The following KLF12 variants were observed in gnomAD, a reference collection of about 807,000 sequenced individuals.
KLF12 encodes the protein KLF transcription factor 12, also known as Krueppel-like factor 12.
Under a neutral mutation model 37.8 loss-of-function variants are expected in KLF12, and 9 were observed. The ratio of observed to expected loss-of-function variants is 0.24; its 90% confidence interval spans 0.14 to 0.42. The LOEUF is 0.42. Ranked by LOEUF, KLF12 falls within the 10% of genes least tolerant of loss-of-function variation. KLF12 has a pLI of 1.00. For missense variants in KLF12, 411 were observed against 516.0 expected, an observed-to-expected ratio of 0.80 and a Z score of 1.97; for synonymous variants, 208 against 202.1, an observed-to-expected ratio of 1.03 and a Z score of -0.25.
At chr13:74,255,784 C>T in the KLF12 span, among the ~76,000 whole-genome samples, 1 of 152,126 alleles carries the variant, frequency 6.6e-6, no homozygotes, top group Non-Finnish European at 1.5e-5. Context: ...CCATAAAATT[C>T]AAATAAAATG....
At chr13:74,278,762 G>A in the KLF12 span, among the ~76,000 whole-genome samples, 1 of 152,124 alleles carries the variant, frequency 6.6e-6, no homozygotes, top group African/African-American at 2.4e-5. Context: ...TCTGCCATGG[G>A]ATATTTTTCA....
the KLF12 span, among the ~76,000 whole-genome samples, chr13:74,165,518 T>C: frequency 6.6e-6 from 1 of 151,944 alleles, no homozygotes; most frequent in Admixed American, 6.6e-5. Context: ...AGGCTGGTCT[T>C]AAACTCCCAC....
At chr13:73,912,267 C>A (rs998050141) in intron 3 of KLF12, among the ~76,000 whole-genome samples, 1 of 152,090 alleles carries the variant, frequency 6.6e-6, no homozygotes, top group Non-Finnish European at 1.5e-5. Context: ...TTAAGCAACT[C>A]CCAGGGAAAA....
At chr13:73,887,874 G>A (rs1887307384) in intron 3 of KLF12, among the ~76,000 whole-genome samples, 1 of 152,106 alleles carries the variant, frequency 6.6e-6, no homozygotes. Flanking sequence ...AGGAAAACCA[G>A]TATAAAGGAT....
intron 7 of KLF12, among the ~76,000 whole-genome samples, chr13:73,706,803 C>T (rs1006534954): frequency 6.6e-6 from 1 of 152,198 alleles, no homozygotes; most frequent in Non-Finnish European, 1.5e-5. Flanking sequence ...TTTAGGACTC[C>T]TTGCTGTCTT....
chr13:74,015,044 C>T (rs1892652097), intron 1 of KLF12, among the ~76,000 whole-genome samples: 1 of 151,922 alleles, frequency 6.6e-6, no homozygotes, highest in Non-Finnish European at 1.5e-5. Context: ...GATAGAGGCA[C>T]ATTTATATAT....
intron 6 of KLF12, among the ~76,000 whole-genome samples, chr13:73,751,269 C>T (rs1401602549): frequency 6.6e-6 from 1 of 151,886 alleles, no homozygotes; most frequent in Non-Finnish European, 1.5e-5. Context: ...TTAATGAGAC[C>T]CCTGGATCAA....
intron 3 of KLF12, among the ~76,000 whole-genome samples, chr13:73,928,662 T>A (rs1340107075): frequency 6.6e-6 from 1 of 152,234 alleles, no homozygotes; most frequent in African/African-American, 2.4e-5. Flanking sequence ...AGAATAATTC[T>A]TCAAGACCTG....
intron 4 of KLF12, chr13:73,845,130 T>G (rs1015824763): frequency 3.9e-5 from 6 of 152,212 alleles, no homozygotes; most frequent in Non-Finnish European, 8.8e-5. Context: ...CACATAGTCA[T>G]GTAGCAAAGT....
chr13:73,832,166 G>T (rs1884195368), intron 4 of KLF12, among the ~76,000 whole-genome samples: 1 of 152,162 alleles, frequency 6.6e-6, no homozygotes. Context: ...GTGACCTCAT[G>T]GGCTACTTTC....
chr13:74,142,059 A>G, the KLF12 span, among the ~76,000 whole-genome samples: 1 of 152,228 alleles, frequency 6.6e-6, no homozygotes, highest in Non-Finnish European at 1.5e-5. Flanking sequence ...AAATAGATTG[A>G]TGTTTCTTAA....
chr13:73,718,243 C>G (rs533699269), intron 6 of KLF12, among the ~76,000 whole-genome samples: 3 of 151,966 alleles, frequency 2.0e-5, no homozygotes, highest in Admixed American at 6.5e-5. Flanking sequence ...CCAAAAAAAC[C>G]CTGAAATCAG....
chr13:74,109,291 G>GT (rs1400345684), intron 1 of KLF12, among the ~76,000 whole-genome samples: 2 of 151,854 alleles, frequency 1.3e-5, no homozygotes, highest in East Asian at 3.9e-4. Flanking sequence ...ATTATTGAAG[G>GT]TAAGTGTTAA....
the KLF12 span, among the ~76,000 whole-genome samples, chr13:74,166,009 C>A: frequency 2.0e-5 from 3 of 151,182 alleles, no homozygotes; most frequent in African/African-American, 7.3e-5. Flanking sequence ...TGTATAAAAT[C>A]TGGAGAAAGT....
At chr13:74,182,427 A>G in the KLF12 span, among the ~76,000 whole-genome samples, 4 of 152,264 alleles carry the variant, frequency 2.6e-5, no homozygotes, top group African/African-American at 9.6e-5. Context: ...CTAGGTTTAA[A>G]TCAGTTCAAA....
intron 3 of KLF12, among the ~76,000 whole-genome samples, chr13:73,940,113 T>C (rs1890122587): frequency 6.6e-6 from 1 of 152,198 alleles, no homozygotes; most frequent in African/African-American, 2.4e-5. Context: ...TACTACCTTA[T>C]CTCTGGGTGT....
the KLF12 span, among the ~76,000 whole-genome samples, chr13:74,286,586 C>T: frequency 2.0e-5 from 3 of 152,124 alleles, no homozygotes; most frequent in Non-Finnish European, 4.4e-5. Flanking sequence ...GGATAGCCTT[C>T]ATATGGGTTT....
the KLF12 span, among the ~76,000 whole-genome samples, chr13:74,173,645 C>A: frequency 6.6e-6 from 1 of 152,170 alleles, no homozygotes. Context: ...GAAGCCTGCA[C>A]CACCCACCTT....
the KLF12 span, among the ~76,000 whole-genome samples, chr13:74,234,652 T>C: frequency 6.6e-6 from 1 of 152,128 alleles, no homozygotes; most frequent in South Asian, 2.1e-4. Flanking sequence ...GAAGGACAAG[T>C]TATTCATTCG....
Sources: gnomAD v4.1 joint callset for allele counts (sites outside exome capture counted in the v4.1 genomes callset) on GRCh38, gnomAD v4.1.1 for gene constraint, MANE v1.5 for transcripts, NCBI Gene and HGNC (gene_info 2026-07-23, HGNC 2026-07-21) for gene names.